POU2F3: variants seen among roughly 807,000 people sequenced by gnomAD.
POU2F3 encodes POU domain, class 2, transcription factor 3.
A neutral mutation model predicts 59.2 loss-of-function variants in POU2F3; 23 were observed. That is an observed-to-expected ratio of 0.39 (90% CI 0.28 to 0.55). The LOEUF is 0.55. Ranked by LOEUF, POU2F3 falls within the 20% of genes least tolerant of loss-of-function variation. The pLI is 0.66. For synonymous variants in POU2F3, 190 were observed against 214.6 expected (o/e 0.89, Z 1.00); for missense variants, 473 against 544.5 (o/e 0.87, Z 1.31).
intron 6 of POU2F3, chr11:120,302,759 C>T (rs1160236281): frequency 5.4e-6 from 1 of 183,734 alleles, no homozygotes; most frequent in African/African-American, 2.4e-5. Flanking sequence ...TAGAATACTA[C>T]AGACCTGATG....
upstream of POU2F3, among the ~76,000 whole-genome samples, chr11:120,238,133 G>A (rs535131927): frequency 2.0e-5 from 3 of 152,210 alleles, no homozygotes; most frequent in African/African-American, 4.8e-5. Flanking sequence ...CCAGCTACTC[G>A]GGAGGCTGAG....
intron 1 of POU2F3, among the ~76,000 whole-genome samples, chr11:120,242,951 C>T (rs1214987630): frequency 6.6e-6 from 1 of 152,096 alleles, no homozygotes; most frequent in African/African-American, 2.4e-5. Context: ...GGGAAGCCAG[C>T]GGGCGGGGGC....
chr11:120,302,485 T>C, intron 6 of POU2F3, 117 bp downstream of exon 6: 1 of 940,882 alleles, frequency 1.1e-6, no homozygotes, highest in South Asian at 1.8e-5. Context: ...GGAGAGGGGA[T>C]AGCAGGGAAC....
intron 9 of POU2F3, among the ~76,000 whole-genome samples, chr11:120,308,214 C>T (rs1392727184): frequency 1.3e-5 from 2 of 152,150 alleles, no homozygotes; most frequent in Non-Finnish European, 2.9e-5. Flanking sequence ...TATGTGGAAG[C>T]TGTGAGCCCC....
In POU2F3 at chr11:120,285,126, T is replaced by C. The variant is rs1307758285; in HGVS notation, c.133-13139T>C. Among the ~76,000 whole-genome samples, 1 of 152,200 alleles carries C rather than the reference T, an allele frequency of 6.6e-6. No homozygotes were observed. Among genetic ancestry groups the C allele is most frequent in the Non-Finnish European group, 1.5e-5 (1 of 68,042 alleles). On this transcript the variant is annotated intron_variant, in intron 3 of 12. Transcript: ENST00000543440. The surrounding 1 kb of genome is among the most constrained non-coding windows in gnomAD (Gnocchi z 4.3). The stretch of plus-strand genomic sequence containing the variant: ...ATGTTAGTTACTTTACTATTCTTAT[T>C]TGGCAAAATAAAACAACTGTATCTG...
At chr11:120,280,047 T>A (rs1940500260) in intron 3 of POU2F3, among the ~76,000 whole-genome samples, 1 of 152,162 alleles carries the variant, frequency 6.6e-6, no homozygotes. Context: ...AGCCAAAAAG[T>A]GGCTTCTCTC....
At position 120,281,083 on chromosome 11, in the gene POU2F3, G is replaced by C. The variant is rs116180141; in HGVS notation, c.132+11839G>C. ...GTCTTCTCCCAGAATCATAGCCTTG[G>C]CTAAAAATAAACTTTTTCCACCTTA... On this transcript the variant is annotated intron_variant, in intron 3 of 12. Coordinates refer to ENST00000543440, the MANE Select transcript of POU2F3 (RefSeq NM_014352.4). Among the ~76,000 whole-genome samples, 1,079 of 152,202 alleles carry C rather than the reference G, an allele frequency of 7.1e-3. 16 individuals are homozygous for C. Among genetic ancestry groups the C allele is most frequent in the African/African-American group, 0.024 (1,014 of 41,518 alleles).
intron 1 of POU2F3, 61 bp downstream of exon 1, chr11:120,240,432 G>C (rs1390010553): frequency 2.3e-6 from 3 of 1,319,072 alleles, no homozygotes; most frequent in Non-Finnish European, 9.8e-7. Context: ...GGGTGAAGGA[G>C]AGGGACAACG....
chr11:120,315,487 A>G, intron 11 of POU2F3, 60 bp downstream of exon 11: 1 of 1,484,836 alleles, frequency 6.7e-7, no homozygotes, highest in South Asian at 1.1e-5. Flanking sequence ...ATGGGATATT[A>G]GAACTGAAAG....
chr11:120,308,938 CAAAAAAAAAAAAAAAAAAAAA>C (rs386375076), intron 9 of POU2F3, among the ~76,000 whole-genome samples: 59 of 28,768 alleles, frequency 2.1e-3, no homozygotes, highest in South Asian at 0.017. Context: ...GACTCCGTCT[CAAAAAAAAAAAAAAAAAAAAA>C]AAAAAAAAAA....
intron 3 of POU2F3, among the ~76,000 whole-genome samples, chr11:120,279,011 C>T (rs1046282011): frequency 9.2e-5 from 14 of 152,104 alleles, no homozygotes; most frequent in African/African-American, 2.9e-4. Flanking sequence ...GACTGTATGC[C>T]GGGCATTGAG....
intron 3 of POU2F3, among the ~76,000 whole-genome samples, chr11:120,282,666 C>CA (rs993016985): frequency 6.6e-5 from 10 of 151,434 alleles, no homozygotes; most frequent in East Asian, 1.9e-4. Context: ...AAGAAACAAA[C>CA]AAAAAAAAGA....
At chr11:120,236,839 A>G (rs1938515899), upstream of POU2F3, 20 of 859,756 alleles carry the variant, frequency 2.3e-5, no homozygotes, top group South Asian at 2.5e-4. Context: ...CTTAGAGGGC[A>G]CCCCAGCCTT....
chr11:120,264,344 A>G (rs1158999257), intron 2 of POU2F3, among the ~76,000 whole-genome samples: 1 of 152,218 alleles, frequency 6.6e-6, no homozygotes, highest in Non-Finnish European at 1.5e-5. Flanking sequence ...AGATCGCACC[A>G]CTGCACTCCA....
At chr11:120,249,463 G>A (rs1939009951) in intron 2 of POU2F3, among the ~76,000 whole-genome samples, 1 of 152,144 alleles carries the variant, frequency 6.6e-6, no homozygotes, top group Non-Finnish European at 1.5e-5. Context: ...TCCTGCCTCT[G>A]CCTCCCAGGT....
chr11:120,264,190 TACACACACACACACACACACACAC>T (rs35186745), intron 2 of POU2F3, among the ~76,000 whole-genome samples: 2 of 133,126 alleles, frequency 1.5e-5, no homozygotes, highest in South Asian at 5.1e-4. Context: ...TAAGACCTCA[TACACACACACACACACACACACAC>T]ACACACACAC....
chr11:120,291,591 C>A (rs977931101), intron 3 of POU2F3, among the ~76,000 whole-genome samples: 1 of 152,232 alleles, frequency 6.6e-6, no homozygotes, highest in Non-Finnish European at 1.5e-5. Context: ...ATCACACACA[C>A]AGAGAGTGAG....
In POU2F3 at chr11:120,319,043, G is replaced by A. The variant is rs1941856520; in HGVS notation, c.*651G>A. 1 of 152,474 alleles carries A rather than the reference G, an allele frequency of 6.6e-6. No homozygotes were observed. The highest frequency in any genetic ancestry group is 6.6e-5 in the Admixed American group (1 of 15,264). 9.4% of individuals were successfully genotyped at this position (152,474 alleles called of 1,614,324 possible). ...CAGAAGGTGTAAAAGAGCTGCCCTT[G>A]GTGGGTGCCCTGGGCATGTTGCAAC... On this transcript the variant is annotated 3_prime_UTR_variant, in exon 13 of 13. Coordinates refer to ENST00000543440, the MANE Select transcript of POU2F3 (RefSeq NM_014352.4).
At chr11:120,305,245 T>G (rs756185747) in intron 7 of POU2F3, 33 bp downstream of exon 7, 2 of 1,601,104 alleles carry the variant, frequency 1.2e-6, no homozygotes, top group South Asian at 2.2e-5. Flanking sequence ...AGAAGAAGTC[T>G]AGCCGAGCGG....
Sources: allele counts gnomAD v4.1 joint callset (sites outside exome capture counted in the v4.1 genomes callset), GRCh38; gene constraint gnomAD v4.1.1; non-coding constraint Gnocchi (gnomAD v3.1); transcripts MANE v1.5; gene names NCBI Gene and HGNC (gene_info 2026-07-23, HGNC 2026-07-21).